The following GRB10 variants were observed in gnomAD, a reference collection of about 807,000 sequenced individuals.
GRB10 encodes growth factor receptor bound protein 10.
GRB10 carries 20 observed loss-of-function variants against 80.9 expected under a neutral mutation model. That is an observed-to-expected ratio of 0.25 (90% CI 0.17 to 0.36). The LOEUF (loss-of-function observed/expected upper bound fraction) is 0.36. Among genes scored for constraint, GRB10 ranks in the 10% least tolerant of loss-of-function variants. The probability of loss-of-function intolerance (pLI) is 1.00; values close to 1 mark genes in which losing one functional copy is unlikely to be tolerated. For missense variants in GRB10, 548 were observed against 747.7 expected (o/e 0.73, Z 3.12); for synonymous variants, 291 against 291.5 (o/e 1.00, Z 0.02).
upstream of GRB10, among the ~76,000 whole-genome samples, chr7:50,783,243 C>T (rs1341713379): frequency 6.6e-6 from 1 of 152,218 alleles, no homozygotes; most frequent in Non-Finnish European, 1.5e-5. Context: ...ACCCTTCTCC[C>T]CAAAATGTCA....
At position 50,604,362 on chromosome 7, in the gene GRB10, T is replaced by C; in HGVS notation, c.1405A>G (p.Met469Val). ...GGACTTTGGCTACCTAGGATGTTCA[T>C]CCGTGTGCTTCGCTTCTGCAAAAGA... ...GHAWRKRSTR[M>V]NILGSQSPLH... The change falls in exon 16 of 19, where the codon ATG becomes GTG. Residue 469 changes from methionine to valine, a missense_variant. Met to Val is a conservative substitution (Grantham distance 21, BLOSUM62 1). Around this residue, in one of 4 missense-constraint regions of GRB10, gnomAD observed 270 missense variants for 433.6 expected, o/e 0.62. Coordinates refer to ENST00000401949, the MANE Select transcript of GRB10 (RefSeq NM_001350814.2). The C allele has an allele frequency of 1.2e-6, 2 of 1,613,206 alleles. No homozygotes were observed. The highest frequency in any genetic ancestry group is 1.7e-6 in the Non-Finnish European group (2 of 1,179,792).
intron 4 of GRB10, among the ~76,000 whole-genome samples, chr7:50,721,793 T>G (rs752927451): frequency 1.8e-4 from 28 of 151,740 alleles, no homozygotes; most frequent in Non-Finnish European, 3.2e-4. Flanking sequence ...GACGACAGCA[T>G]AAGGAGGGGT....
intron 2 of GRB10, among the ~76,000 whole-genome samples, chr7:50,774,328 G>A (rs939100843): frequency 6.6e-6 from 1 of 152,224 alleles, no homozygotes. Flanking sequence ...TATATACAAT[G>A]TATGTGTGTG....
At chr7:50,790,879 G>A (rs2078883778) in intron 1 of GRB10, among the ~76,000 whole-genome samples, 1 of 152,172 alleles carries the variant, frequency 6.6e-6, no homozygotes, top group Admixed American at 6.5e-5. Flanking sequence ...GCCTGTACCC[G>A]GAAAGATCAC....
chr7:50,689,337 T>C (rs2062499186), intron 5 of GRB10, among the ~76,000 whole-genome samples: 2 of 152,240 alleles, frequency 1.3e-5, no homozygotes, highest in South Asian at 2.1e-4. Context: ...TTTAAAAATA[T>C]ATCCACAAAG....
upstream of GRB10, among the ~76,000 whole-genome samples, chr7:50,783,787 C>A (rs1176416275): frequency 2.0e-5 from 3 of 152,198 alleles, no homozygotes; most frequent in African/African-American, 7.2e-5. Flanking sequence ...ACTGCATTCA[C>A]ACACGTTAAG....
chr7:50,634,386 C>G (rs1316042436), intron 7 of GRB10, among the ~76,000 whole-genome samples: 4 of 152,108 alleles, frequency 2.6e-5, no homozygotes, highest in Non-Finnish European at 5.9e-5. Flanking sequence ...AAAAAATTCT[C>G]AAAGGAGTTA....
At chr7:50,743,500 G>A (rs2072277105) in intron 3 of GRB10, among the ~76,000 whole-genome samples, 2 of 152,208 alleles carry the variant, frequency 1.3e-5, no homozygotes, top group South Asian at 2.1e-4. Flanking sequence ...TCATTTGTGG[G>A]AAGCATCAAG....
intron 5 of GRB10, among the ~76,000 whole-genome samples, chr7:50,695,151 C>G (rs982002132): frequency 6.6e-6 from 1 of 152,190 alleles, no homozygotes; most frequent in Non-Finnish European, 1.5e-5. Context: ...CAAAGATCTA[C>G]AAATATTCTT....
At chr7:50,662,508 AG>A (rs1259752224) in intron 7 of GRB10, among the ~76,000 whole-genome samples, 1 of 152,208 alleles carries the variant, frequency 6.6e-6, no homozygotes, top group African/African-American at 2.4e-5. Context: ...ACAGACTCAG[AG>A]TGTCTTCTCC....
chr7:50,617,838 G>T, intron 10 of GRB10: 1 of 597,042 alleles, frequency 1.7e-6, no homozygotes, highest in Non-Finnish European at 3.0e-6. Context: ...AGGGCATCGT[G>T]TAAGTGCCTG....
chr7:50,644,580 CG>C (rs2056854861), intron 7 of GRB10, among the ~76,000 whole-genome samples: 1 of 152,202 alleles, frequency 6.6e-6, no homozygotes, highest in African/African-American at 2.4e-5. Flanking sequence ...ATGGGCATTC[CG>C]TTTCAGAAAA....
chr7:50,601,474 T>C (rs909666923), intron 17 of GRB10, among the ~76,000 whole-genome samples: 8 of 152,230 alleles, frequency 5.3e-5, no homozygotes, highest in African/African-American at 1.9e-4. Context: ...TAAGTGACTT[T>C]GGGCAAGGTA....
chr7:50,700,842 C>G (rs1172028254), intron 5 of GRB10, among the ~76,000 whole-genome samples: 1 of 152,174 alleles, frequency 6.6e-6, no homozygotes, highest in African/African-American at 2.4e-5. Context: ...AAATAGATTG[C>G]TTAAAATTCA....
At chr7:50,713,660 C>T (rs1250001855) in intron 4 of GRB10, among the ~76,000 whole-genome samples, 2 of 147,356 alleles carry the variant, frequency 1.4e-5, no homozygotes, top group Non-Finnish European at 3.0e-5. Context: ...ACCTCCACCT[C>T]CTCCACCACC....
intron 7 of GRB10, among the ~76,000 whole-genome samples, chr7:50,657,881 C>T (rs1563320426): frequency 6.6e-6 from 1 of 152,170 alleles, no homozygotes; most frequent in Non-Finnish European, 1.5e-5. Flanking sequence ...GTTTCCTCCA[C>T]TAATTCTTTT....
At chr7:50,624,496 CTTAAA>C (rs1429500443) in intron 8 of GRB10, among the ~76,000 whole-genome samples, 2 of 152,202 alleles carry the variant, frequency 1.3e-5, no homozygotes, top group Admixed American at 6.5e-5. Context: ...TAAACAGCAA[CTTAAA>C]TTAATTTTTT....
chr7:50,623,170 G>C (rs2052186480), intron 8 of GRB10, among the ~76,000 whole-genome samples: 1 of 152,156 alleles, frequency 6.6e-6, no homozygotes, highest in African/African-American at 2.4e-5. Context: ...CGGCTGTTGA[G>C]TGGCCTGGGT....
At chr7:50,676,341 G>A (rs868071538) in intron 5 of GRB10, among the ~76,000 whole-genome samples, 6 of 150,182 alleles carry the variant, frequency 4.0e-5, no homozygotes, top group African/African-American at 1.5e-4. Context: ...CCACCGGGGG[G>A]GGGGGGGGGT....
Sources: allele counts gnomAD v4.1 joint callset (sites outside exome capture counted in the v4.1 genomes callset), GRCh38; gene constraint gnomAD v4.1.1; regional missense constraint gnomAD v4.1.1; transcripts MANE v1.5; gene names NCBI Gene and HGNC (gene_info 2026-07-23, HGNC 2026-07-21).